The following NPAS3 variants were observed in gnomAD, a reference collection of about 807,000 sequenced individuals.
NPAS3 encodes the protein neuronal PAS domain protein 3.
A neutral mutation model predicts 73.1 loss-of-function variants in NPAS3; 14 were observed. The ratio of observed to expected loss-of-function variants is 0.19; its 90% CI spans 0.13 to 0.30. The LOEUF (loss-of-function observed/expected upper bound fraction) is 0.30. NPAS3 is among the 10% of genes least tolerant of loss of function. The pLI is 1.00. For synonymous variants in NPAS3, 620 were observed against 541.5 expected (o/e 1.14, Z -2.01); for missense variants, 1,096 against 1,250.0 (o/e 0.88, Z 1.86).
intron 4 of NPAS3, among the ~76,000 whole-genome samples, chr14:33,552,933 G>A (rs2210054): frequency 0.61 from 92,254 of 152,024 alleles, 28,293 homozygotes; most frequent in African/African-American, 0.66. Flanking sequence ...TACCACATGT[G>A]TGCACAGCAG....
intron 5 of NPAS3, among the ~76,000 whole-genome samples, chr14:33,649,887 T>C (rs953011710): frequency 2.6e-5 from 4 of 152,068 alleles, no homozygotes; most frequent in Non-Finnish European, 5.9e-5. Flanking sequence ...ACCAGAGTGG[T>C]TGTAGTGTGG....
intron 3 of NPAS3, among the ~76,000 whole-genome samples, chr14:33,230,127 T>C (rs2047792695): frequency 6.6e-6 from 1 of 152,236 alleles, no homozygotes; most frequent in African/African-American, 2.4e-5. Flanking sequence ...CTTGTTATCC[T>C]TCAGCATTTT....
chr14:33,116,361 A>G (rs540831303), intron 2 of NPAS3, among the ~76,000 whole-genome samples: 2 of 152,290 alleles, frequency 1.3e-5, no homozygotes, highest in Non-Finnish European at 2.9e-5. Flanking sequence ...TAACTTCCCA[A>G]GAACTTCAGG....
intron 3 of NPAS3, among the ~76,000 whole-genome samples, chr14:33,273,182 C>A (rs75298303): frequency 0.13 from 19,471 of 152,170 alleles, 1,686 homozygotes; most frequent in Non-Finnish European, 0.2. Context: ...CTGACTCCCC[C>A]GCTCTTCCCC....
chr14:33,003,979 T>C (rs145047015), intron 1 of NPAS3, among the ~76,000 whole-genome samples: 123 of 152,256 alleles, frequency 8.1e-4, no homozygotes, highest in Admixed American at 3.3e-3. Flanking sequence ...CTGATTTGAA[T>C]CCTGGTCATA....
At chr14:33,529,129 T>G (rs1463593974) in intron 4 of NPAS3, among the ~76,000 whole-genome samples, 1 of 152,120 alleles carries the variant, frequency 6.6e-6, no homozygotes, top group East Asian at 1.9e-4. Flanking sequence ...TTAGGAGGTC[T>G]CTCAGTAGCC....
At chr14:33,767,958 G>C (rs1486192426) in intron 7 of NPAS3, among the ~76,000 whole-genome samples, 2 of 152,146 alleles carry the variant, frequency 1.3e-5, no homozygotes, top group Non-Finnish European at 2.9e-5. Flanking sequence ...ATATACATTT[G>C]CCCAAATAAT....
intron 2 of NPAS3, among the ~76,000 whole-genome samples, chr14:33,123,052 C>T (rs991094284): frequency 6.6e-6 from 1 of 151,982 alleles, no homozygotes; most frequent in Non-Finnish European, 1.5e-5. Flanking sequence ...ACTGTCATTG[C>T]TGCACACAAC....
chr14:33,199,418 A>C (rs759056387), intron 2 of NPAS3, among the ~76,000 whole-genome samples: 2 of 152,132 alleles, frequency 1.3e-5, no homozygotes, highest in Non-Finnish European at 2.9e-5. Flanking sequence ...TGGTTCTTCC[A>C]TGTAGGCAGG....
At chr14:33,526,744 G>A (rs1184413248) in intron 4 of NPAS3, among the ~76,000 whole-genome samples, 1 of 152,092 alleles carries the variant, frequency 6.6e-6, no homozygotes, top group East Asian at 1.9e-4. Context: ...AGGGAGTCAG[G>A]TCAGAATTTA....
rs538822355 is a variant in NPAS3 at position 33,069,007 on chromosome 14, G to A, written c.140+13013G>A. ...CGAAACAGAGTCTTGGGAGGATTAT[G>A]AATTGAGGAGAAATGAGACCTAACT... is the stretch of plus-strand genomic sequence containing the variant. On this transcript the variant is annotated intron_variant, in intron 2 of 11. Coordinates refer to ENST00000356141, the Ensembl canonical transcript of NPAS3. Among the ~76,000 whole-genome samples the A allele has an allele frequency of 5.3e-5, 8 of 152,246 alleles. No homozygotes were observed. In the East Asian group the frequency reaches 1.5e-3, roughly 29 times the overall value.
intron 4 of NPAS3, among the ~76,000 whole-genome samples, chr14:33,431,916 C>G (rs8006148): frequency 0.11 from 16,442 of 151,994 alleles, 1,320 homozygotes; most frequent in East Asian, 0.37. Context: ...TGATGTCACT[C>G]AGAAGTCCAT....
chr14:33,393,525 T>G (rs2047094974), intron 4 of NPAS3, among the ~76,000 whole-genome samples: 1 of 152,180 alleles, frequency 6.6e-6, no homozygotes, highest in Non-Finnish European at 1.5e-5. Flanking sequence ...TACATGTATT[T>G]TAGGCATATA....
intron 2 of NPAS3, among the ~76,000 whole-genome samples, chr14:33,144,375 T>C (rs1177773187): frequency 2.6e-5 from 4 of 152,248 alleles, no homozygotes; most frequent in African/African-American, 4.8e-5. Flanking sequence ...AAATCAGTTA[T>C]TGCTACTAAA....
chr14:33,564,617 C>T (rs534720023), intron 5 of NPAS3, among the ~76,000 whole-genome samples: 1 of 152,220 alleles, frequency 6.6e-6, no homozygotes, highest in African/African-American at 2.4e-5. Flanking sequence ...CCCATACTCA[C>T]ATCCTGCATT....
At chr14:33,498,445 A>G (rs1030796839) in intron 4 of NPAS3, among the ~76,000 whole-genome samples, 1 of 152,180 alleles carries the variant, frequency 6.6e-6, no homozygotes, top group African/African-American at 2.4e-5. Flanking sequence ...ACCAACCCAA[A>G]TGCCCATCAA....
At chr14:32,960,932 G>A (rs1184028613) in intron 1 of NPAS3, among the ~76,000 whole-genome samples, 4 of 152,262 alleles carry the variant, frequency 2.6e-5, no homozygotes, top group African/African-American at 9.6e-5. Context: ...CTAACCTCTG[G>A]AAGTATTTAG....
At chr14:33,016,196 A>G (rs1271557944) in intron 1 of NPAS3, among the ~76,000 whole-genome samples, 1 of 152,154 alleles carries the variant, frequency 6.6e-6, no homozygotes, top group Non-Finnish European at 1.5e-5. Flanking sequence ...TCAAGTGAAG[A>G]CTGTGTATAG....
At chr14:33,726,847 G>A (rs1457489025) in intron 6 of NPAS3, among the ~76,000 whole-genome samples, 2 of 152,208 alleles carry the variant, frequency 1.3e-5, no homozygotes, top group Non-Finnish European at 1.5e-5. Context: ...GAAGTTCCAG[G>A]GATAGCCAGA....
Sources: gnomAD v4.1 joint callset for allele counts (sites outside exome capture counted in the v4.1 genomes callset) on GRCh38, gnomAD v4.1.1 for gene constraint, MANE v1.5 for transcripts, NCBI Gene and HGNC (gene_info 2026-07-23, HGNC 2026-07-21) for gene names.